The following IGDCC4 variants were observed in gnomAD, a reference collection of about 807,000 sequenced individuals.
IGDCC4 encodes immunoglobulin superfamily DCC subclass member 4.
Under a neutral mutation model 116.6 loss-of-function variants are expected in IGDCC4, and 72 were observed. The ratio of observed to expected loss-of-function variants is 0.62; its 90% CI spans 0.51 to 0.75. The LOEUF is 0.75. Among genes scored for constraint, IGDCC4 ranks in the 30% least tolerant of loss-of-function variants. IGDCC4 has a pLI of 0.00. For missense variants in IGDCC4, 1,501 were observed against 1,662.4 expected, an observed-to-expected ratio of 0.90 and a Z score of 1.69; for synonymous variants, 709 against 719.9, an observed-to-expected ratio of 0.98 and a Z score of 0.24.
At position 65,382,270 on chromosome 15, in the gene IGDCC4, T is replaced by G. The variant is rs934828846; in HGVS notation, c.*1739A>C. Reference sequence around the variant, plus strand: ...ACATTAATAATCTTTAGTGTTATCATAGGCTGGCTGAAGGAGGGGGAGGAG... The same window carrying G: ...ACATTAATAATCTTTAGTGTTATCAGAGGCTGGCTGAAGGAGGGGGAGGAG... On this transcript the variant is annotated 3_prime_UTR_variant, in exon 20 of 20. Coordinates refer to ENST00000352385, the MANE Select transcript of IGDCC4 (RefSeq NM_020962.3). 1 of 152,344 alleles carries G rather than the reference T, an allele frequency of 6.6e-6. No homozygotes were observed. The highest frequency in any genetic ancestry group is 1.5e-5 in the Non-Finnish European group (1 of 68,014). 9.4% of individuals were successfully genotyped at this position (152,344 alleles called of 1,614,324 possible). A position where few individuals can be genotyped will look rare whatever the true frequency, so the allele number is the denominator to read the frequency against.
rs1370862500 is a variant in IGDCC4, at chr15:65,384,174, T to A, written c.3588A>T (p.Arg1196Ser). The A allele has an allele frequency of 6.2e-7, 1 of 1,613,506 alleles. No homozygotes were observed. Among genetic ancestry groups the A allele is most frequent in the Admixed American group, 1.7e-5 (1 of 59,978 alleles). ...GCELAAPGPD[R>S]LTCLPEAASA... ...TGGCTGCCTCTGGCAAGCAGGTAAG[T>A]CTGTCTGGCCCGGGGGCTGCCAGCT... is the stretch of plus-strand genomic sequence containing the variant. The change falls in exon 20 of 20, where the codon AGA becomes AGT. Residue 1196 changes from arginine (R) to serine (S), a missense_variant. Coordinates refer to ENST00000352385, the MANE Select transcript of IGDCC4 (RefSeq NM_020962.3). The surrounding 1 kb of genome is among the most constrained non-coding windows in gnomAD (Gnocchi z 4.9).
Position 65,395,908 on chromosome 15 carries a change from G to A in IGDCC4, c.1253C>T (p.Ala418Val). 2 of 1,589,714 alleles carry A rather than the reference G, an allele frequency of 1.3e-6. No homozygotes were observed. The highest frequency in any genetic ancestry group is 2.2e-5 in the South Asian group (2 of 89,314). The change falls in exon 7 of 20, where the codon GCG becomes GTG. Residue 418 changes from alanine to valine, a missense_variant. Coordinates refer to ENST00000352385, the MANE Select transcript of IGDCC4 (RefSeq NM_020962.3). ...ENSAGMACAAASLAVVVREGL... is the reference protein window; with the variant it reads ...ENSAGMACAAVSLAVVVREGL... The stretch of plus-strand genomic sequence containing the variant: ...CTCGCGCACCACCACGGCCAGCGAC[G>A]CGGCAGCGCACGCCATTCCCGCGCT...
rs145519041 is a variant in IGDCC4 at position 65,393,877 on chromosome 15, G to A, written c.1715-346C>T. On this transcript the variant is annotated intron_variant, in intron 9 of 19. Coordinates refer to ENST00000352385, the MANE Select transcript of IGDCC4 (RefSeq NM_020962.3). The surrounding 1 kb of genome is among the most constrained non-coding windows in gnomAD (Gnocchi z 4.6). ...GCTGACCATGAAGGCCAGCAAGAAC[G>A]CCTGGCTTCCAGAGCCCTGAGGGCC... 3.9e-5 allele frequency among the ~76,000 whole-genome samples: 6 copies of A among 152,270 alleles called. No homozygotes were observed. Among genetic ancestry groups the A allele is most frequent in the Non-Finnish European group, 8.8e-5 (6 of 68,012 alleles).
intron 3 of IGDCC4, among the ~76,000 whole-genome samples, chr15:65,407,720 G>A (rs1336139286): frequency 5.3e-5 from 8 of 151,500 alleles, no homozygotes; most frequent in African/African-American, 7.3e-5. Flanking sequence ...TCCACCTCCC[G>A]GGTTCAAGTG....
In IGDCC4 at chr15:65,384,941, C is replaced by T. The variant is rs763761521; in HGVS notation, c.3342+13G>A. 6.2e-7 allele frequency: 1 copy of T among 1,606,648 alleles called. No homozygotes were observed. The highest frequency in any genetic ancestry group is 8.5e-7 in the Non-Finnish European group (1 of 1,177,384). ...TTTCCTCCTTTCCTGCCCCTTCCTT[C>T]CAGGACGCTGACCTTTATGGCGTCG... On this transcript the variant is annotated intron_variant, in intron 19 of 19. Transcript: ENST00000352385. This position sits in a 1 kb window ranked among gnomAD's most constrained non-coding sequence, Gnocchi z 4.9.
At chr15:65,389,102 G>T in intron 14 of IGDCC4, 124 bp from the exon 15 acceptor site, 2 of 1,105,084 alleles carry the variant, frequency 1.8e-6, no homozygotes, top group Non-Finnish European at 2.5e-6. Context: ...CTGGTTTCTA[G>T]TTGGGGAATT....
At chr15:65,413,630 C>T (rs1175684194) in intron 1 of IGDCC4, among the ~76,000 whole-genome samples, 3 of 152,210 alleles carry the variant, frequency 2.0e-5, no homozygotes, top group Non-Finnish European at 4.4e-5. Context: ...TGACCTGCTG[C>T]CTCCTTGTCT....
rs2062885043 is a variant in IGDCC4, at chr15:65,393,314, CCACACAGTCACA to C, written c.1885+35_1885+46del. ...CTGGGTCCCAAGGACACACGCACAC[CCACACAGTCACA>C]CACACACTGTCCTGTCTCTCCTCTA... On this transcript the variant is annotated intron_variant, in intron 10 of 19. Coordinates refer to ENST00000352385, the MANE Select transcript of IGDCC4 (RefSeq NM_020962.3). This position sits in a 1 kb window ranked among gnomAD's most constrained non-coding sequence, Gnocchi z 4.6. 6.5e-7 allele frequency: 1 copy of C among 1,538,430 alleles called. No homozygotes were observed. Among genetic ancestry groups the C allele is most frequent in the East Asian group, 2.4e-5 (1 of 42,278 alleles).
chr15:65,392,433 G>C (rs952480977), intron 10 of IGDCC4, 63 bp from the exon 11 acceptor site: 8 of 1,276,666 alleles, frequency 6.3e-6, no homozygotes, highest in Non-Finnish European at 8.6e-6. Context: ...GGAGAAGGAG[G>C]CCAGGGATAG....
intron 5 of IGDCC4, among the ~76,000 whole-genome samples, chr15:65,397,513 T>C (rs1280616209): frequency 6.6e-6 from 1 of 152,160 alleles, no homozygotes; most frequent in Non-Finnish European, 1.5e-5. Context: ...TTCAACTTCA[T>C]GTCATCAAAG....
chr15:65,409,066 C>T (rs1595791141), intron 3 of IGDCC4, among the ~76,000 whole-genome samples: 1 of 152,146 alleles, frequency 6.6e-6, no homozygotes, highest in African/African-American at 2.4e-5. Context: ...AACTCCTGGG[C>T]TCAAGTGATC....
intron 1 of IGDCC4, among the ~76,000 whole-genome samples, chr15:65,415,405 A>G (rs2063133743): frequency 1.3e-5 from 2 of 152,216 alleles, no homozygotes. Context: ...GGGAGCCCAG[A>G]GGAGGCTCCG....
chr15:65,399,209 G>C (rs2062959310), intron 5 of IGDCC4, among the ~76,000 whole-genome samples: 1 of 152,152 alleles, frequency 6.6e-6, no homozygotes, highest in Admixed American at 6.5e-5. Context: ...AGTGACTCAT[G>C]GCTGTAATCC....
intron 3 of IGDCC4, among the ~76,000 whole-genome samples, chr15:65,408,364 T>A (rs1391423729): frequency 6.6e-6 from 1 of 152,176 alleles, no homozygotes; most frequent in Non-Finnish European, 1.5e-5. Context: ...TTCATGGAAC[T>A]CCCAGGAGGC....
intron 1 of IGDCC4, among the ~76,000 whole-genome samples, chr15:65,421,572 G>A (rs991351163): frequency 2.6e-5 from 4 of 152,182 alleles, no homozygotes; most frequent in African/African-American, 9.6e-5. Flanking sequence ...CTGGAGATGG[G>A]CCTGGGGCTG....
At chr15:65,396,521 C>A in intron 6 of IGDCC4, 2 of 566,448 alleles carry the variant, frequency 3.5e-6, no homozygotes, top group East Asian at 3.0e-5. Context: ...ACCCTGCCCC[C>A]CAGTTTTCTT....
chr15:65,384,533 G>T lies in IGDCC4; in HGVS notation c.3343-114C>A. 1 of 1,048,584 alleles carries T rather than the reference G, an allele frequency of 9.5e-7. No homozygotes were observed. The highest frequency in any genetic ancestry group is 1.3e-6 in the Non-Finnish European group (1 of 741,116). The allele number at this position is 1,048,584 out of a possible 1,614,324, so 65.0% of individuals were successfully genotyped here. On this transcript the variant is annotated intron_variant, in intron 19 of 19. Coordinates refer to ENST00000352385, the MANE Select transcript of IGDCC4 (RefSeq NM_020962.3). The surrounding 1 kb of genome is among the most constrained non-coding windows in gnomAD (Gnocchi z 4.9). ...CCCTCCATCAGAGTAAGTATCACAT[G>T]GGAGTCGGTGAAGGATACACAGGAA...
At chr15:65,398,892 A>C (rs1286229528) in intron 5 of IGDCC4, among the ~76,000 whole-genome samples, 2 of 152,180 alleles carry the variant, frequency 1.3e-5, no homozygotes, top group African/African-American at 4.8e-5. Flanking sequence ...TCTGTCTCAA[A>C]AAAACAAAAC....
rs770657006 is a variant in IGDCC4, at chr15:65,410,325, G to A, written c.422-6C>T. 8 of 1,613,760 alleles carry A rather than the reference G, an allele frequency of 5.0e-6. No homozygotes were observed. The Admixed American group carries it at 8.3e-5, about 17-fold the overall frequency. On this transcript the variant is annotated splice_region_variant and splice_polypyrimidine_tract_variant and intron_variant, in intron 2 of 19. Coordinates refer to ENST00000352385, the MANE Select transcript of IGDCC4 (RefSeq NM_020962.3). ...CAGAGAGAAGTCTGCGAGTGCTGGG[G>A]ACAGTGAGACACAGGCAGGGACGGG...
Sources: gnomAD v4.1 joint callset for allele counts (sites outside exome capture counted in the v4.1 genomes callset) on GRCh38, gnomAD v4.1.1 for gene constraint, Gnocchi (gnomAD v3.1) non-coding constraint, MANE v1.5 for transcripts, NCBI Gene and HGNC (gene_info 2026-07-23, HGNC 2026-07-21) for gene names.